OSBPL10: variants seen among roughly 807,000 people sequenced by gnomAD.
OSBPL10 encodes the protein oxysterol-binding protein-related protein 10.
OSBPL10 carries 49 observed loss-of-function variants against 81.7 expected under a neutral mutation model. That is an observed-to-expected ratio of 0.60 (90% CI 0.48 to 0.76). The LOEUF is 0.76. Ranked by LOEUF, OSBPL10 falls within the 30% of genes least tolerant of loss-of-function variation. The probability of loss-of-function intolerance (pLI) is 0.00; values close to 1 mark genes in which losing one functional copy is unlikely to be tolerated. For synonymous variants in OSBPL10, 419 were observed against 383.6 expected (o/e 1.09, Z -1.08); for missense variants, 923 against 987.8 (o/e 0.93, Z 0.88).
intron 5 of OSBPL10, among the ~76,000 whole-genome samples, chr3:31,738,772 A>T (rs1014040951): frequency 6.6e-6 from 1 of 152,214 alleles, no homozygotes; most frequent in Non-Finnish European, 1.5e-5. Context: ...TACGCTATGC[A>T]CCATGTGCCC....
At chr3:31,792,740 A>AGTGAGT (rs1699053782) in intron 4 of OSBPL10, among the ~76,000 whole-genome samples, 1 of 133,606 alleles carries the variant, frequency 7.5e-6, no homozygotes, top group African/African-American at 2.8e-5. Context: ...CCAGACACAG[A>AGTGAGT]GTGTGTGTGT....
intron 4 of OSBPL10, among the ~76,000 whole-genome samples, chr3:31,753,136 T>C (rs1697770980): frequency 1.3e-5 from 2 of 152,098 alleles, no homozygotes; most frequent in Admixed American, 1.3e-4. Flanking sequence ...GTAGGCACTT[T>C]TTCACTTGGC....
chr3:31,669,578 A>G (rs1414688489), intron 9 of OSBPL10, among the ~76,000 whole-genome samples: 1 of 152,204 alleles, frequency 6.6e-6, no homozygotes, highest in Admixed American at 6.5e-5. Flanking sequence ...TACTCACAGT[A>G]GTGGCTCTGA....
intron 4 of OSBPL10, among the ~76,000 whole-genome samples, chr3:31,766,748 T>G (rs533804739): frequency 6.6e-6 from 1 of 152,188 alleles, no homozygotes; most frequent in Non-Finnish European, 1.5e-5. Context: ...AGTTAAGGCT[T>G]TTATCCAAGA....
At chr3:31,992,139 C>G (rs1251634278) in intron 2 of OSBPL10, among the ~76,000 whole-genome samples, 2 of 144,646 alleles carry the variant, frequency 1.4e-5, no homozygotes, top group African/African-American at 5.3e-5. Flanking sequence ...GAGCGAGACT[C>G]CATCTCAAAA....
At chr3:32,029,109 C>T (rs1216630565) in intron 2 of OSBPL10, among the ~76,000 whole-genome samples, 1 of 151,996 alleles carries the variant, frequency 6.6e-6, no homozygotes, top group African/African-American at 2.4e-5. Context: ...ACACCTGAAA[C>T]TGGTGATCAG....
chr3:31,970,092 C>T (rs11719930), intron 1 of OSBPL10, among the ~76,000 whole-genome samples: 18,104 of 152,146 alleles, frequency 0.12, 1,294 homozygotes, highest in South Asian at 0.3. Context: ...TCCGAAAATT[C>T]CGTGCTCCAC....
At chr3:31,714,896 T>C (rs779343508) in intron 6 of OSBPL10, 1 of 151,690 alleles carries the variant, frequency 6.6e-6, no homozygotes, top group Non-Finnish European at 1.5e-5. Context: ...CACCAGAGTG[T>C]TCTTCCCCAG....
intron 4 of OSBPL10, among the ~76,000 whole-genome samples, chr3:31,786,902 T>C (rs185627277): frequency 1.3e-5 from 2 of 152,330 alleles, no homozygotes; most frequent in Admixed American, 6.5e-5. Flanking sequence ...CTTTTTAATC[T>C]GGCAGACACA....
chr3:31,796,340 G>C (rs1178604196), intron 4 of OSBPL10, among the ~76,000 whole-genome samples: 1 of 152,122 alleles, frequency 6.6e-6, no homozygotes, highest in Non-Finnish European at 1.5e-5. Context: ...ATCCCTATTA[G>C]TGAAATAAAT....
intron 1 of OSBPL10, among the ~76,000 whole-genome samples, chr3:31,923,475 T>C (rs1275214292): frequency 6.6e-6 from 1 of 152,216 alleles, no homozygotes; most frequent in Non-Finnish European, 1.5e-5. Context: ...TTTCTTCCTG[T>C]ACTTTTTGTT....
intron 4 of OSBPL10, among the ~76,000 whole-genome samples, chr3:31,793,156 T>C (rs1360699799): frequency 1.3e-5 from 2 of 152,180 alleles, no homozygotes; most frequent in Non-Finnish European, 2.9e-5. Flanking sequence ...AATATTTTTC[T>C]AATTCTTTCT....
At chr3:32,004,053 AACTGCC>A (rs1015534304) in intron 2 of OSBPL10, among the ~76,000 whole-genome samples, 46 of 152,322 alleles carry the variant, frequency 3.0e-4, no homozygotes, top group African/African-American at 1.1e-3. Context: ...GTCTTCAACA[AACTGCC>A]ACTTTGGAGA....
chr3:31,991,130 A>T (rs891156759), intron 2 of OSBPL10: 5 of 798,840 alleles, frequency 6.3e-6, no homozygotes, highest in Non-Finnish European at 1.0e-5. Flanking sequence ...TTCAAGCATT[A>T]ATTGACATTA....
intron 4 of OSBPL10, among the ~76,000 whole-genome samples, chr3:31,798,668 CAT>C (rs1374354350): frequency 2.0e-5 from 3 of 152,088 alleles, no homozygotes; most frequent in Non-Finnish European, 4.4e-5. Context: ...ACCATGCCAA[CAT>C]AATCTACCTT....
intron 5 of OSBPL10, 131 bp from the exon 6 acceptor site, chr3:31,733,542 T>C (rs1006596393): frequency 2.0e-6 from 2 of 1,018,928 alleles, no homozygotes; most frequent in East Asian, 2.4e-5. Flanking sequence ...AGGGCTTGTT[T>C]TGAATGAAGT....
intron 1 of OSBPL10, among the ~76,000 whole-genome samples, chr3:31,958,102 G>T (rs940976084): frequency 2.6e-5 from 4 of 152,188 alleles, no homozygotes; most frequent in South Asian, 2.1e-4. Flanking sequence ...GCAAGGAGGG[G>T]TGCAGTAACT....
intron 6 of OSBPL10, among the ~76,000 whole-genome samples, chr3:31,710,018 G>A (rs1397058576): frequency 6.6e-6 from 1 of 152,166 alleles, no homozygotes; most frequent in African/African-American, 2.4e-5. Flanking sequence ...TGAGTATTTG[G>A]GATAAAAGTC....
intron 2 of OSBPL10, among the ~76,000 whole-genome samples, chr3:32,011,165 G>C (rs1189517667): frequency 1.3e-5 from 2 of 152,168 alleles, no homozygotes; most frequent in African/African-American, 2.4e-5. Context: ...CCTGACCCCC[G>C]AGTAGCCTAA....
Sources: gnomAD v4.1 joint callset for allele counts (sites outside exome capture counted in the v4.1 genomes callset) on GRCh38, gnomAD v4.1.1 for gene constraint, MANE v1.5 for transcripts, NCBI Gene and HGNC (gene_info 2026-07-23, HGNC 2026-07-21) for gene names.